Variants in OTOGL observed in about 807,000 individuals in gnomAD.
OTOGL encodes the protein otogelin like, also known as otogelin-like protein.
OTOGL carries 285 observed loss-of-function variants against 318.5 expected under a neutral mutation model. The ratio of observed to expected loss-of-function variants is 0.89; its 90% CI spans 0.81 to 0.99. The LOEUF (loss-of-function observed/expected upper bound fraction) is 0.99. OTOGL is among the 50% of genes least tolerant of loss of function. The pLI is 0.00. For synonymous variants in OTOGL, 987 were observed against 936.5 expected, an observed-to-expected ratio of 1.05 and a Z score of -0.99; for missense variants, 2,899 against 2,845.6, an observed-to-expected ratio of 1.02 and a Z score of -0.43.
chr12:80,229,144 G>T, intron 7 of OTOGL, 113 bp from the exon 8 acceptor site: 1 of 1,220,802 alleles, frequency 8.2e-7, no homozygotes, highest in Non-Finnish European at 1.1e-6. Context: ...TTATAACGTT[G>T]TAAAGTGTCA....
intron 52 of OTOGL, among the ~76,000 whole-genome samples, chr12:80,364,067 T>A (rs989042562): frequency 6.6e-6 from 1 of 152,214 alleles, no homozygotes; most frequent in African/African-American, 2.4e-5. Flanking sequence ...TTATGAATCA[T>A]ATTTTGATAT....
At chr12:80,342,300 C>G in intron 44 of OTOGL, 138 bp downstream of exon 44, 1 of 633,136 alleles carries the variant, frequency 1.6e-6, no homozygotes, top group Non-Finnish European at 2.7e-6. Flanking sequence ...CTTTGGAATT[C>G]AGAATCACTT....
At chr12:80,287,535 T>C (rs1440254224) in intron 26 of OTOGL, among the ~76,000 whole-genome samples, 1 of 152,182 alleles carries the variant, frequency 6.6e-6, no homozygotes, top group Non-Finnish European at 1.5e-5. Context: ...AGAGTCTAAG[T>C]CTCTTTGTTC....
At chr12:80,153,691 TG>T (rs1008303256) in intron 1 of OTOGL, among the ~76,000 whole-genome samples, 4 of 152,220 alleles carry the variant, frequency 2.6e-5, no homozygotes, top group African/African-American at 9.6e-5. Context: ...AAAAATCCTC[TG>T]TGCTCCGCCT....
At chr12:80,269,646 A>T (rs939621498) in intron 22 of OTOGL, among the ~76,000 whole-genome samples, 1 of 152,170 alleles carries the variant, frequency 6.6e-6, no homozygotes, top group African/African-American at 2.4e-5. Flanking sequence ...TAGGTGTGCC[A>T]TAACCTCCAT....
chr12:80,333,969 C>T (rs542527227), intron 38 of OTOGL, among the ~76,000 whole-genome samples: 4 of 152,012 alleles, frequency 2.6e-5, no homozygotes, highest in Non-Finnish European at 5.9e-5. Flanking sequence ...TATGTTAGAC[C>T]TTGTGTTGTA....
intron 7 of OTOGL, 89 bp downstream of exon 7, chr12:80,222,334 T>A (rs1878430248): frequency 1.6e-6 from 2 of 1,238,464 alleles, no homozygotes; most frequent in East Asian, 5.1e-5. Flanking sequence ...ATGCAAAATA[T>A]ATACTAATAA....
chr12:80,179,333 G>A (rs1874757390), intron 1 of OTOGL, among the ~76,000 whole-genome samples: 1 of 152,126 alleles, frequency 6.6e-6, no homozygotes, highest in South Asian at 2.1e-4. Flanking sequence ...AAGAAAATGG[G>A]CCATGCTTCA....
chr12:80,310,808 C>T, intron 30 of OTOGL, 81 bp downstream of exon 30: 5 of 1,098,554 alleles, frequency 4.6e-6, no homozygotes, highest in South Asian at 1.6e-5. Context: ...CGACACGTAA[C>T]TGGGTGATCC....
rs1342749292 is a variant in OTOGL, at chr12:80,362,934, T to G, written c.6268-3640T>G. Among the ~76,000 whole-genome samples, 8 of 152,046 alleles carry G rather than the reference T, an allele frequency of 5.3e-5. No individual in the cohort carries two copies. In the East Asian group the frequency reaches 1.5e-3, roughly 29 times the overall value. On this transcript the variant is annotated intron_variant, in intron 52 of 58. Coordinates refer to ENST00000547103, the MANE Select transcript of OTOGL (RefSeq NM_001378609.3). ...ATGAGATATAAAAATCTATACAAAT[T>G]GGTATATTTGGGGAGGGTTTTATTT...
intron 27 of OTOGL, among the ~76,000 whole-genome samples, chr12:80,299,058 G>C (rs748578365): frequency 5.8e-4 from 88 of 152,262 alleles, no homozygotes; most frequent in Non-Finnish European, 1.0e-3. Context: ...CCCTACTTCA[G>C]TAATTGGAAC....
chr12:80,312,612 G>T (rs1478805728), intron 30 of OTOGL, among the ~76,000 whole-genome samples: 1 of 152,054 alleles, frequency 6.6e-6, no homozygotes, highest in East Asian at 1.9e-4. Context: ...CTAAAGTCTT[G>T]TTTATAAAAA....
rs58182357 is a variant in OTOGL, at chr12:80,286,730, A to AT, written c.2928+7572dup. 1.8e-3 allele frequency among the ~76,000 whole-genome samples: 268 copies of AT among 151,552 alleles called. 1 individual carries two copies. Among genetic ancestry groups the AT allele is most frequent in the African/African-American group, 6.3e-3 (260 of 41,342 alleles). On this transcript the variant is annotated intron_variant, in intron 26 of 58. Transcript: ENST00000547103. ...GATCAGTGGTGATCTCCCCTTTGTC[A>AT]TTTTTTTTATTGTGTCTCTATGCAA...
intron 26 of OTOGL, among the ~76,000 whole-genome samples, chr12:80,296,026 CT>C (rs1430108066): frequency 2.0e-5 from 3 of 152,108 alleles, no homozygotes; most frequent in Non-Finnish European, 2.9e-5. Flanking sequence ...GGAAAGGGGT[CT>C]ACCTGGAGGT....
intron 44 of OTOGL, among the ~76,000 whole-genome samples, chr12:80,350,512 A>T (rs149681502): frequency 3.9e-5 from 6 of 152,276 alleles, no homozygotes; most frequent in Admixed American, 3.9e-4. Context: ...ACTAATTTAC[A>T]TTCCACCAAC....
At chr12:80,144,517 C>T (rs1243618390) in intron 1 of OTOGL, among the ~76,000 whole-genome samples, 3 of 149,144 alleles carry the variant, frequency 2.0e-5, no homozygotes, top group African/African-American at 5.1e-5. Context: ...AATAAACATA[C>T]GTGTGCATGT....
At chr12:80,134,210 C>A (rs1871408281) in intron 1 of OTOGL, among the ~76,000 whole-genome samples, 1 of 152,202 alleles carries the variant, frequency 6.6e-6, no homozygotes, top group East Asian at 1.9e-4. Flanking sequence ...GATTCATCTT[C>A]CTGTTCTAAA....
chr12:80,295,154 G>A (rs944143163), intron 26 of OTOGL, among the ~76,000 whole-genome samples: 3 of 91,366 alleles, frequency 3.3e-5, no homozygotes, highest in African/African-American at 5.6e-5. Context: ...TATGATTGCC[G>A]AACTTTTTTT....
At chr12:80,169,828 T>C (rs773260038) in intron 1 of OTOGL, among the ~76,000 whole-genome samples, 84 of 152,348 alleles carry the variant, frequency 5.5e-4, no homozygotes, top group Non-Finnish European at 1.1e-3. Context: ...TCTGTCCTTA[T>C]TGCATATATC....
Sources: allele counts gnomAD v4.1 joint callset (sites outside exome capture counted in the v4.1 genomes callset), GRCh38; gene constraint gnomAD v4.1.1; transcripts MANE v1.5; gene names NCBI Gene and HGNC (gene_info 2026-07-23, HGNC 2026-07-21).